BCAS3: variants seen among roughly 807,000 people sequenced by gnomAD.
The protein encoded by BCAS3 is BCAS3 microtubule associated cell migration factor, also known as BCAS4/BCAS3 fusion.
A neutral mutation model predicts 116.1 loss-of-function variants in BCAS3; 53 were observed. That is an observed-to-expected ratio of 0.46 (90% CI 0.37 to 0.57). The LOEUF is 0.57. BCAS3 is among the 20% of genes least tolerant of loss of function. The pLI is 0.00. For missense variants in BCAS3, 917 were observed against 1,165.4 expected (o/e 0.79, Z 3.10); for synonymous variants, 391 against 408.2 (o/e 0.96, Z 0.51).
chr17:60,828,428 T>C (rs1378261719), intron 7 of BCAS3, among the ~76,000 whole-genome samples: 1 of 152,266 alleles, frequency 6.6e-6, no homozygotes, highest in Non-Finnish European at 1.5e-5. Context: ...TACAGTGATA[T>C]GTTACTTTGC....
rs902674257 is a variant in BCAS3 at position 61,368,596 on chromosome 17, G to A, written c.2593+102G>A. 4.4e-6 allele frequency: 6 copies of A among 1,371,208 alleles called. No homozygotes were observed. Among genetic ancestry groups the A allele is most frequent in the African/African-American group, 1.4e-5 (1 of 68,990 alleles). The allele number at this position is 1,371,208 out of a possible 1,614,324, so 84.9% of individuals were successfully genotyped here. ...TTGTGGGCATATGTTTGTTTTTGCT[G>A]TTGGTTTCTTTAGTTAGCACTCCAG... On this transcript the variant is annotated intron_variant, in intron 23 of 23. Transcript: ENST00000407086. The surrounding 1 kb of genome is among the most constrained non-coding windows in gnomAD (Gnocchi z 6.0).
intron 14 of BCAS3, among the ~76,000 whole-genome samples, chr17:60,979,368 T>C (rs1224826292): frequency 1.3e-5 from 2 of 148,624 alleles, no homozygotes; most frequent in African/African-American, 5.1e-5. Flanking sequence ...CCTGAGACTT[T>C]GCTGAAGTTG....
At chr17:61,202,332 A>T (rs2080888103) in intron 22 of BCAS3, among the ~76,000 whole-genome samples, 1 of 151,532 alleles carries the variant, frequency 6.6e-6, no homozygotes, top group South Asian at 2.1e-4. Flanking sequence ...GAGGAAACTG[A>T]TGAGATCTGA....
At chr17:60,770,811 T>A (rs571730298) in intron 6 of BCAS3, among the ~76,000 whole-genome samples, 5 of 149,812 alleles carry the variant, frequency 3.3e-5, no homozygotes, top group African/African-American at 1.2e-4. Flanking sequence ...TAGTCAGCGA[T>A]CTTGAACCTA....
At chr17:61,018,198 T>G (rs2065600816) in intron 16 of BCAS3, among the ~76,000 whole-genome samples, 1 of 151,920 alleles carries the variant, frequency 6.6e-6, no homozygotes. Flanking sequence ...CCACAATGAG[T>G]ACTAGGTTTT....
At chr17:60,739,142 A>G (rs952889611) in intron 5 of BCAS3, among the ~76,000 whole-genome samples, 8 of 152,156 alleles carry the variant, frequency 5.3e-5, no homozygotes, top group Non-Finnish European at 1.0e-4. Flanking sequence ...GCAATACCTA[A>G]TATTAACAAA....
intron 22 of BCAS3, among the ~76,000 whole-genome samples, chr17:61,146,665 CTGA>C (rs1208979397): frequency 6.6e-6 from 1 of 152,144 alleles, no homozygotes; most frequent in African/African-American, 2.4e-5. Flanking sequence ...TGCTGGTCCA[CTGA>C]TGATGTTCAT....
chr17:60,809,951 G>A (rs2048643917), intron 7 of BCAS3, among the ~76,000 whole-genome samples: 1 of 152,168 alleles, frequency 6.6e-6, no homozygotes, highest in South Asian at 2.1e-4. Context: ...AGAGAAATCA[G>A]CAACTGCAAA....
At chr17:61,245,173 A>G (rs1328557671) in intron 22 of BCAS3, 1 of 152,148 alleles carries the variant, frequency 6.6e-6, no homozygotes, top group African/African-American at 2.4e-5. Flanking sequence ...CAGAGAGAAG[A>G]ATGAGTGCCC....
chr17:60,748,643 C>CA (rs761268557), intron 6 of BCAS3, among the ~76,000 whole-genome samples: 8 of 152,114 alleles, frequency 5.3e-5, no homozygotes, highest in Non-Finnish European at 8.8e-5. Flanking sequence ...TTTCCCTCTT[C>CA]ATGTTATTTA....
At chr17:60,955,395 T>G (rs561196435) in intron 14 of BCAS3, among the ~76,000 whole-genome samples, 1 of 149,338 alleles carries the variant, frequency 6.7e-6, no homozygotes, top group South Asian at 2.1e-4. Context: ...AATTTTTTTT[T>G]TTTTTTTTTT....
At chr17:60,784,852 T>A (rs989244204) in intron 6 of BCAS3, among the ~76,000 whole-genome samples, 8 of 151,964 alleles carry the variant, frequency 5.3e-5, no homozygotes, top group Non-Finnish European at 1.2e-4. Context: ...TCCCAGTACT[T>A]TGGGAGGCTG....
chr17:60,837,677 G>A (rs1220444556), intron 7 of BCAS3, among the ~76,000 whole-genome samples: 2 of 147,654 alleles, frequency 1.4e-5, no homozygotes, highest in African/African-American at 2.5e-5. Flanking sequence ...TTTTGAGATG[G>A]AGTTTCACTC....
intron 22 of BCAS3, among the ~76,000 whole-genome samples, chr17:61,296,481 A>G (rs2052920590): frequency 6.6e-6 from 1 of 152,168 alleles, no homozygotes; most frequent in African/African-American, 2.4e-5. Flanking sequence ...TGAAAAAGGT[A>G]ATTTTGACGA....
At chr17:61,009,887 G>C (rs2064989017) in intron 15 of BCAS3, among the ~76,000 whole-genome samples, 1 of 151,970 alleles carries the variant, frequency 6.6e-6, no homozygotes, top group Non-Finnish European at 1.5e-5. Context: ...GTCTAACTTT[G>C]CAGCCACATT....
At chr17:60,978,513 C>T (rs1342123627) in intron 14 of BCAS3, among the ~76,000 whole-genome samples, 3 of 149,368 alleles carry the variant, frequency 2.0e-5, no homozygotes, top group Admixed American at 6.6e-5. Flanking sequence ...TTAATTAGAT[C>T]CCATTTGTCA....
intron 5 of BCAS3, among the ~76,000 whole-genome samples, chr17:60,735,429 TTTTTA>T (rs545192431): frequency 6.6e-6 from 1 of 151,086 alleles, no homozygotes; most frequent in East Asian, 1.9e-4. Flanking sequence ...TCAGTATGAT[TTTTTA>T]TTTTATTTAT....
chr17:61,102,782 G>T (rs932092974), intron 22 of BCAS3, among the ~76,000 whole-genome samples: 4 of 152,046 alleles, frequency 2.6e-5, no homozygotes, highest in Non-Finnish European at 4.4e-5. Context: ...AAAATTAATA[G>T]ATAATAAAAA....
At chr17:61,163,685 A>C (rs950996302) in intron 22 of BCAS3, among the ~76,000 whole-genome samples, 3 of 151,942 alleles carry the variant, frequency 2.0e-5, no homozygotes, top group African/African-American at 7.3e-5. Flanking sequence ...CAAACAAACA[A>C]ATTTTTTAAA....
Sources: allele counts gnomAD v4.1 joint callset (sites outside exome capture counted in the v4.1 genomes callset), GRCh38; gene constraint gnomAD v4.1.1; non-coding constraint Gnocchi (gnomAD v3.1); transcripts MANE v1.5; gene names NCBI Gene and HGNC (gene_info 2026-07-23, HGNC 2026-07-21).